The following SEMA3A variants were observed in gnomAD, a reference collection of about 807,000 sequenced individuals.
The protein encoded by SEMA3A is semaphorin-3A.
In SEMA3A, 29 loss-of-function variants were observed where a neutral mutation model predicts 97.9. The ratio of observed to expected loss-of-function variants is 0.30; its 90% CI spans 0.22 to 0.40. The LOEUF is 0.40. Among genes scored for constraint, SEMA3A ranks in the 10% least tolerant of loss-of-function variants. The pLI, the probability that SEMA3A is intolerant of heterozygous loss-of-function variation, is 1.00. For missense variants in SEMA3A, 763 were observed against 951.3 expected (o/e 0.80, Z 2.60); for synonymous variants, 321 against 323.7 (o/e 0.99, Z 0.09).
At chr7:84,009,523 T>C (rs1404480) in intron 9 of SEMA3A, among the ~76,000 whole-genome samples, 35,010 of 152,100 alleles carry the variant, frequency 0.23, 4,340 homozygotes, top group African/African-American at 0.31. Flanking sequence ...CTATCAAAGT[T>C]ACTTGCAGTA....
chr7:84,072,797 A>T (rs182501159), intron 4 of SEMA3A, among the ~76,000 whole-genome samples: 1 of 152,282 alleles, frequency 6.6e-6, no homozygotes, highest in East Asian at 1.9e-4. Context: ...AGCTATTTTC[A>T]TTTAACATTT....
chr7:84,311,554 A>C (rs1397217332), intron 2 of SEMA3A, among the ~76,000 whole-genome samples: 1 of 151,994 alleles, frequency 6.6e-6, no homozygotes, highest in Non-Finnish European at 1.5e-5. Flanking sequence ...AGAAGACTAA[A>C]GATGAATGGT....
intron 1 of SEMA3A, among the ~76,000 whole-genome samples, chr7:84,472,381 T>C (rs1806177596): frequency 6.6e-6 from 1 of 151,976 alleles, no homozygotes; most frequent in African/African-American, 2.4e-5. Context: ...AGATCTTAAA[T>C]TGCAAGGAGA....
chr7:84,342,643 C>T (rs888404931), intron 2 of SEMA3A, among the ~76,000 whole-genome samples: 5 of 152,064 alleles, frequency 3.3e-5, no homozygotes, highest in African/African-American at 1.2e-4. Flanking sequence ...TGTAAATTTT[C>T]CACATCTCTT....
At chr7:84,436,158 T>C (rs549246629) in intron 1 of SEMA3A, among the ~76,000 whole-genome samples, 1 of 152,232 alleles carries the variant, frequency 6.6e-6, no homozygotes, top group Non-Finnish European at 1.5e-5. Flanking sequence ...ACCCCTACTT[T>C]TTACCATATA....
At chr7:84,458,095 C>T (rs1013523002) in intron 1 of SEMA3A, among the ~76,000 whole-genome samples, 1 of 151,986 alleles carries the variant, frequency 6.6e-6, no homozygotes, top group Non-Finnish European at 1.5e-5. Flanking sequence ...TTACATTAAG[C>T]TCTGTTTGAG....
intron 3 of SEMA3A, among the ~76,000 whole-genome samples, chr7:84,218,894 C>CTTT (rs1798811644): frequency 6.6e-6 from 1 of 152,060 alleles, no homozygotes; most frequent in African/African-American, 2.4e-5. Context: ...GCCTAACTGT[C>CTTT]TTTGGCAGGA....
intron 1 of SEMA3A, among the ~76,000 whole-genome samples, chr7:84,424,937 A>ATATAT (rs1356914596): frequency 7.1e-5 from 7 of 98,306 alleles, no homozygotes; most frequent in African/African-American, 3.2e-4. Context: ...ATATTTATAT[A>ATATAT]AATATATATT....
intron 1 of SEMA3A, among the ~76,000 whole-genome samples, chr7:84,487,967 C>T (rs573503306): frequency 5.0e-4 from 76 of 152,042 alleles, no homozygotes; most frequent in African/African-American, 1.8e-3. Context: ...CATGTTCATT[C>T]CATTTGTCTT....
chr7:84,176,258 G>C (rs1797562288), intron 1 of SEMA3A, among the ~76,000 whole-genome samples: 1 of 152,024 alleles, frequency 6.6e-6, no homozygotes, highest in Non-Finnish European at 1.5e-5. Flanking sequence ...TTAAGTGAAG[G>C]TCCCAATTAG....
At chr7:84,123,956 G>A (rs925880133) in intron 3 of SEMA3A, among the ~76,000 whole-genome samples, 4 of 151,920 alleles carry the variant, frequency 2.6e-5, no homozygotes, top group African/African-American at 9.7e-5. Context: ...TGTGTTTGGT[G>A]CAAAACTCGG....
intron 2 of SEMA3A, among the ~76,000 whole-genome samples, 164 bp downstream of exon 2, chr7:84,134,630 G>T (rs536720542): frequency 5.9e-5 from 9 of 152,024 alleles, no homozygotes; most frequent in Non-Finnish European, 1.3e-4. Context: ...TTGATTTATT[G>T]CATCCATTGA....
chr7:84,129,505 G>A (rs143250236), intron 2 of SEMA3A, among the ~76,000 whole-genome samples: 21 of 152,250 alleles, frequency 1.4e-4, no homozygotes, highest in South Asian at 2.1e-4. Flanking sequence ...TTGAGAGAAC[G>A]TGAGAATTTA....
intron 1 of SEMA3A, among the ~76,000 whole-genome samples, chr7:84,394,684 T>C (rs1803678875): frequency 6.6e-6 from 1 of 152,114 alleles, no homozygotes; most frequent in Non-Finnish European, 1.5e-5. Context: ...GCAATATTCA[T>C]ATACAAGAAC....
intron 3 of SEMA3A, among the ~76,000 whole-genome samples, chr7:84,261,052 C>T (rs1799845616): frequency 6.6e-6 from 1 of 152,192 alleles, no homozygotes; most frequent in Non-Finnish European, 1.5e-5. Flanking sequence ...CCAACTCACA[C>T]AGACATTGGG....
At chr7:84,222,617 C>T (rs781484803) in intron 3 of SEMA3A, among the ~76,000 whole-genome samples, 4 of 151,820 alleles carry the variant, frequency 2.6e-5, no homozygotes, top group Non-Finnish European at 5.9e-5. Context: ...TAATTGTAAA[C>T]ATATGGTAGA....
At chr7:84,414,420 T>C (rs1376574562) in intron 1 of SEMA3A, among the ~76,000 whole-genome samples, 1 of 151,614 alleles carries the variant, frequency 6.6e-6, no homozygotes, top group Non-Finnish European at 1.5e-5. Context: ...ACAGTATTGT[T>C]ATGTAGCCTC....
chr7:84,299,495 T>C (rs1269580611), intron 3 of SEMA3A, among the ~76,000 whole-genome samples: 1 of 151,314 alleles, frequency 6.6e-6, no homozygotes, highest in Non-Finnish European at 1.5e-5. Context: ...AGCAGTCTAA[T>C]AATCCACAAA....
intron 1 of SEMA3A, among the ~76,000 whole-genome samples, chr7:84,414,746 G>C (rs570240084): frequency 1.3e-5 from 2 of 151,864 alleles, no homozygotes; most frequent in African/African-American, 4.8e-5. Flanking sequence ...AAAAAAAGGC[G>C]AAATGAACAA....
Sources: gnomAD v4.1 joint callset for allele counts (sites outside exome capture counted in the v4.1 genomes callset) on GRCh38, gnomAD v4.1.1 for gene constraint, MANE v1.5 for transcripts, NCBI Gene and HGNC (gene_info 2026-07-23, HGNC 2026-07-21) for gene names.